RNF152: variants seen among roughly 807,000 people sequenced by gnomAD.
RNF152 encodes E3 ubiquitin-protein ligase RNF152.
Under a neutral mutation model 12.7 loss-of-function variants are expected in RNF152, and 11 were observed. The ratio of observed to expected loss-of-function variants is 0.86; its 90% CI spans 0.54 to 1.43. RNF152 has a LOEUF of 1.43. RNF152 is among the 40% of genes most tolerant of loss of function. The pLI is 0.00. For synonymous variants in RNF152, 113 were observed against 120.3 expected (o/e 0.94, Z 0.40); for missense variants, 255 against 274.8 (o/e 0.93, Z 0.51).
chr18:61,875,311 A>G (rs760777779), intron 1 of RNF152, among the ~76,000 whole-genome samples: 1 of 152,260 alleles, frequency 6.6e-6, no homozygotes, highest in Non-Finnish European at 1.5e-5. Context: ...AATCTTTTCA[A>G]TATTTTAAAT....
chr18:61,888,248 GA>G (rs1414276391), intron 1 of RNF152: 7 of 152,192 alleles, frequency 4.6e-5, no homozygotes, highest in Non-Finnish European at 1.0e-4. Context: ...CCACCCAAAG[GA>G]GATGCAGGTC....
chr18:61,844,086 GAAAGAAA>G (rs1910596995), intron 1 of RNF152, among the ~76,000 whole-genome samples: 8 of 63,830 alleles, frequency 1.3e-4, no homozygotes, highest in African/African-American at 3.7e-4. Context: ...AGGAAAGAAA[GAAAGAAA>G]GAAAGAAAGA....
chr18:61,859,456 A>G (rs1911365750), intron 1 of RNF152, among the ~76,000 whole-genome samples: 1 of 152,350 alleles, frequency 6.6e-6, no homozygotes, highest in Non-Finnish European at 1.5e-5. Context: ...AGGGAGCTGC[A>G]TTCCCATGCA....
At chr18:61,850,813 T>A (rs1910936893) in intron 1 of RNF152, among the ~76,000 whole-genome samples, 1 of 152,284 alleles carries the variant, frequency 6.6e-6, no homozygotes, top group South Asian at 2.1e-4. Context: ...CCTCCTACCT[T>A]GCAGCCTCCC....
At chr18:61,840,808 T>C (rs1229977048) in intron 1 of RNF152, among the ~76,000 whole-genome samples, 1 of 152,214 alleles carries the variant, frequency 6.6e-6, no homozygotes, top group African/African-American at 2.4e-5. Context: ...CAGTGTAGCA[T>C]GTACCTTTCT....
chr18:61,880,063 A>G (rs913201977), intron 1 of RNF152, among the ~76,000 whole-genome samples: 4 of 152,042 alleles, frequency 2.6e-5, no homozygotes, highest in African/African-American at 9.7e-5. Context: ...TCACATAACT[A>G]TATACACTGG....
chr18:61,847,643 AACT>A (rs1910793658), intron 1 of RNF152, among the ~76,000 whole-genome samples: 1 of 152,226 alleles, frequency 6.6e-6, no homozygotes, highest in African/African-American at 2.4e-5. Flanking sequence ...TGAAACTGAA[AACT>A]ACTAAACACT....
chr18:61,836,101 G>C (rs1910169975), intron 1 of RNF152, among the ~76,000 whole-genome samples: 1 of 152,180 alleles, frequency 6.6e-6, no homozygotes, highest in Non-Finnish European at 1.5e-5. Context: ...AGCACACTTA[G>C]TTCCTAGATC....
At chr18:61,893,143 T>G (rs1377787275), upstream of RNF152, 1 of 152,006 alleles carries the variant, frequency 6.6e-6, no homozygotes, top group Non-Finnish European at 1.5e-5. Context: ...GCCCACGAGT[T>G]CCCCTCTGGT....
intron 1 of RNF152, among the ~76,000 whole-genome samples, chr18:61,854,855 T>C (rs183086839): frequency 1.4e-4 from 22 of 152,222 alleles, no homozygotes; most frequent in African/African-American, 4.8e-4. Flanking sequence ...GACGTGAAAA[T>C]AGCAGGCGGA....
At chr18:61,859,466 A>G (rs1297008888) in intron 1 of RNF152, among the ~76,000 whole-genome samples, 1 of 152,240 alleles carries the variant, frequency 6.6e-6, no homozygotes, top group East Asian at 1.9e-4. Flanking sequence ...ATTCCCATGC[A>G]GAGCAGGAGA....
At position 61,815,581 on chromosome 18, in the gene RNF152, A is replaced by G. The variant is rs1909025526; in HGVS notation, c.*271T>C. 2.4e-6 allele frequency: 1 copy of G among 410,810 alleles called. No homozygotes were observed. The highest frequency in any genetic ancestry group is 4.3e-5 in the East Asian group (1 of 23,372). The allele number at this position is 410,810 out of a possible 1,614,324, so 25.4% of individuals were successfully genotyped here. ...TTGTAACATGATTTTGAAAAATCAT[A>G]AATTACAGTCCATTGAATACATGAT... On this transcript the variant is annotated 3_prime_UTR_variant, in exon 2 of 2. Coordinates refer to ENST00000312828, the MANE Select transcript of RNF152 (RefSeq NM_173557.3).
At position 61,881,332 on chromosome 18, in the gene RNF152, T is replaced by C. The variant is rs1432903288; in HGVS notation, c.-136+11463A>G. 5.3e-5 allele frequency among the ~76,000 whole-genome samples: 8 copies of C among 152,272 alleles called. No individual in the cohort carries two copies. In the East Asian group the frequency reaches 1.5e-3, roughly 29 times the overall value. On this transcript the variant is annotated intron_variant, in intron 1 of 1. Transcript: ENST00000312828. The stretch of plus-strand genomic sequence containing the variant: ...AGTCACCTGGCACTAAAAAGCCTCA[T>C]AAAAGGAAGAAATTTGTTTCTTTAC...
chr18:61,825,494 T>A (rs762932881), intron 1 of RNF152, among the ~76,000 whole-genome samples: 2 of 152,194 alleles, frequency 1.3e-5, no homozygotes, highest in African/African-American at 2.4e-5. Context: ...ACAGTGGCAT[T>A]TCCTCTATTT....
chr18:61,822,171 C>T (rs1423265305), intron 1 of RNF152, among the ~76,000 whole-genome samples: 1 of 152,064 alleles, frequency 6.6e-6, no homozygotes. Context: ...AAGTCAAGAT[C>T]AAAGTGAAAA....
chr18:61,857,425 C>T (rs1399363879), intron 1 of RNF152, among the ~76,000 whole-genome samples: 2 of 152,126 alleles, frequency 1.3e-5, no homozygotes, highest in Non-Finnish European at 2.9e-5. Flanking sequence ...TGCTTTAGAA[C>T]CTTTAGGGCC....
intron 1 of RNF152, among the ~76,000 whole-genome samples, chr18:61,879,691 C>G (rs948825454): frequency 6.6e-6 from 1 of 152,108 alleles, no homozygotes; most frequent in Admixed American, 6.5e-5. Flanking sequence ...AGGCCAGGCA[C>G]GATGGCTCAC....
intron 1 of RNF152, among the ~76,000 whole-genome samples, chr18:61,873,180 T>C (rs374609206): frequency 6.6e-6 from 1 of 152,302 alleles, no homozygotes; most frequent in Admixed American, 6.5e-5. Flanking sequence ...CTAATTATTA[T>C]GAGAATGAAA....
intron 1 of RNF152, among the ~76,000 whole-genome samples, chr18:61,820,816 G>A (rs897629734): frequency 2.0e-5 from 3 of 152,154 alleles, no homozygotes; most frequent in African/African-American, 7.2e-5. Context: ...TGGGAAGACT[G>A]GAGGTTTGGG....
Sources: gnomAD v4.1 joint callset for allele counts (sites outside exome capture counted in the v4.1 genomes callset) on GRCh38, gnomAD v4.1.1 for gene constraint, MANE v1.5 for transcripts, NCBI Gene and HGNC (gene_info 2026-07-23, HGNC 2026-07-21) for gene names.